The following CDH12 variants were observed in gnomAD, a reference collection of about 807,000 sequenced individuals.
CDH12 encodes the protein cadherin-12.
A neutral mutation model predicts 74.1 loss-of-function variants in CDH12; 41 were observed. That is an observed-to-expected ratio of 0.55 (90% CI 0.43 to 0.72). The LOEUF (loss-of-function observed/expected upper bound fraction) is 0.72. CDH12 is among the 30% of genes least tolerant of loss of function. The probability of loss-of-function intolerance (pLI) is 0.00; values close to 1 mark genes in which losing one functional copy is unlikely to be tolerated. For missense variants in CDH12, 945 were observed against 977.2 expected, an observed-to-expected ratio of 0.97 and a Z score of 0.44; for synonymous variants, 399 against 355.0, an observed-to-expected ratio of 1.12 and a Z score of -1.39.
intron 1 of CDH12, among the ~76,000 whole-genome samples, chr5:22,533,131 T>C (rs1422219321): frequency 6.6e-6 from 1 of 152,136 alleles, no homozygotes; most frequent in African/African-American, 2.4e-5. Flanking sequence ...TGGCTGTTTT[T>C]CTCCTGTATC....
At chr5:22,776,598 A>G (rs1056590419) in intron 1 of CDH12, among the ~76,000 whole-genome samples, 6 of 152,104 alleles carry the variant, frequency 3.9e-5, no homozygotes, top group African/African-American at 7.2e-5. Flanking sequence ...TTTATTCTAA[A>G]TTTAGTTAGA....
intron 6 of CDH12, among the ~76,000 whole-genome samples, chr5:21,955,046 G>C (rs1338466923): frequency 6.6e-6 from 1 of 152,026 alleles, no homozygotes; most frequent in Non-Finnish European, 1.5e-5. Flanking sequence ...TCATAACCAA[G>C]AATTTTAGTA....
intron 6 of CDH12, among the ~76,000 whole-genome samples, chr5:21,862,658 A>T (rs1162175933): frequency 6.6e-6 from 1 of 152,202 alleles, no homozygotes; most frequent in Non-Finnish European, 1.5e-5. Context: ...ATTTTGTAAA[A>T]TGCTACTTCT....
chr5:22,336,890 C>T (rs968638956), intron 3 of CDH12, among the ~76,000 whole-genome samples: 2 of 152,156 alleles, frequency 1.3e-5, no homozygotes, highest in Non-Finnish European at 2.9e-5. Context: ...ATGGTAGATC[C>T]ATTGACAGCT....
chr5:22,536,317 A>G (rs922661277), intron 1 of CDH12, among the ~76,000 whole-genome samples: 2 of 152,164 alleles, frequency 1.3e-5, no homozygotes, highest in African/African-American at 4.8e-5. Flanking sequence ...TATGATTGCT[A>G]TGGGGTTTTC....
intron 5 of CDH12, among the ~76,000 whole-genome samples, chr5:22,034,405 C>T (rs1285319568): frequency 6.6e-6 from 1 of 152,138 alleles, no homozygotes; most frequent in Non-Finnish European, 1.5e-5. Flanking sequence ...CTAGTAATGT[C>T]TCTGGAGTTA....
chr5:22,619,249 G>C (rs2126837331), intron 1 of CDH12, among the ~76,000 whole-genome samples: 1 of 152,018 alleles, frequency 6.6e-6, no homozygotes, highest in Admixed American at 6.6e-5. Flanking sequence ...TATTTTACTT[G>C]GTGAATATTT....
Position 22,746,306 on chromosome 5 carries a change from C to T in CDH12, c.-523+106752G>A, listed in dbSNP as rs529691588. Among the ~76,000 whole-genome samples the T allele has an allele frequency of 4.6e-5, 7 of 152,186 alleles. No individual in the cohort carries two copies. The South Asian group carries it at 1.2e-3, about 27-fold the overall frequency. On this transcript the variant is annotated intron_variant, in intron 1 of 14. Transcript: ENST00000382254. ...CCAATTATCAATCCCCCAAATCCCA[C>T]AACAATAACAACAATTTTAAAAAAA...
chr5:21,980,512 T>A (rs1238002389), intron 5 of CDH12, among the ~76,000 whole-genome samples: 1 of 152,140 alleles, frequency 6.6e-6, no homozygotes, highest in Admixed American at 6.5e-5. Context: ...TAAAATGACT[T>A]CTGATTTGTG....
intron 1 of CDH12, among the ~76,000 whole-genome samples, chr5:22,634,666 A>G (rs374629207): frequency 6.6e-6 from 1 of 152,162 alleles, no homozygotes; most frequent in South Asian, 2.1e-4. Flanking sequence ...TCCCACTTTC[A>G]GTAATGGATG....
chr5:22,276,136 C>A (rs1736626208), intron 3 of CDH12, among the ~76,000 whole-genome samples: 1 of 151,948 alleles, frequency 6.6e-6, no homozygotes, highest in African/African-American at 2.4e-5. Flanking sequence ...ATGGATTAAC[C>A]AAGCTTTAAG....
At chr5:22,204,321 C>A (rs942627116) in intron 4 of CDH12, among the ~76,000 whole-genome samples, 2 of 152,018 alleles carry the variant, frequency 1.3e-5, no homozygotes, top group African/African-American at 4.8e-5. Context: ...TCACCACGCC[C>A]GGTTAGTTTT....
At chr5:22,660,987 A>G (rs147274000) in intron 1 of CDH12, among the ~76,000 whole-genome samples, 22 of 152,292 alleles carry the variant, frequency 1.4e-4, no homozygotes, top group Admixed American at 4.6e-4. Context: ...TAGATTAAGG[A>G]CTTGAGGAAT....
chr5:21,758,767 C>T (rs893813499), intron 13 of CDH12, among the ~76,000 whole-genome samples: 5 of 152,110 alleles, frequency 3.3e-5, no homozygotes, highest in Non-Finnish European at 7.3e-5. Flanking sequence ...TAAGTGTACA[C>T]CATGCAATAG....
intron 4 of CDH12, among the ~76,000 whole-genome samples, chr5:22,193,119 A>T: frequency 6.6e-6 from 1 of 152,078 alleles, no homozygotes; most frequent in African/African-American, 2.4e-5. Context: ...AGCTTCTCTG[A>T]CTCATGAATC....
intron 7 of CDH12, among the ~76,000 whole-genome samples, chr5:21,849,882 G>C (rs983031265): frequency 1.3e-5 from 2 of 151,624 alleles, no homozygotes; most frequent in Admixed American, 1.3e-4. Context: ...ATTCCCAATA[G>C]TCAATATATG....
intron 2 of CDH12, among the ~76,000 whole-genome samples, chr5:22,447,719 C>A (rs1744871014): frequency 6.6e-6 from 1 of 151,986 alleles, no homozygotes; most frequent in African/African-American, 2.4e-5. Context: ...GCTAGCTTCT[C>A]AATTTCCCAT....
At chr5:22,159,180 A>G (rs557363027) in intron 4 of CDH12, among the ~76,000 whole-genome samples, 1 of 152,218 alleles carries the variant, frequency 6.6e-6, no homozygotes, top group African/African-American at 2.4e-5. Flanking sequence ...GAAACTATCA[A>G]TGCACACCAC....
At chr5:22,669,593 T>G (rs1364559594) in intron 1 of CDH12, among the ~76,000 whole-genome samples, 2 of 152,242 alleles carry the variant, frequency 1.3e-5, no homozygotes, top group Non-Finnish European at 2.9e-5. Context: ...GGTCTTGTTC[T>G]GTCTAAATGG....
Sources: allele counts gnomAD v4.1 joint callset (sites outside exome capture counted in the v4.1 genomes callset), GRCh38; gene constraint gnomAD v4.1.1; transcripts MANE v1.5; gene names NCBI Gene and HGNC (gene_info 2026-07-23, HGNC 2026-07-21).